The following TMEFF2 variants were observed in gnomAD, a reference collection of about 807,000 sequenced individuals.
TMEFF2 encodes the protein transmembrane protein with EGF like and two follistatin like domains 2.
TMEFF2 carries 28 observed loss-of-function variants against 53.8 expected under a neutral mutation model. That is an observed-to-expected ratio of 0.52 (90% confidence interval 0.39 to 0.71). TMEFF2 has a LOEUF of 0.71. Among genes scored for constraint, TMEFF2 ranks in the 30% least tolerant of loss-of-function variants. The pLI, the probability that TMEFF2 is intolerant of heterozygous loss-of-function variation, is 0.00. For missense variants in TMEFF2, 353 were observed against 455.2 expected (o/e 0.78, Z 2.04); for synonymous variants, 162 against 166.3 (o/e 0.97, Z 0.20).
intron 5 of TMEFF2, among the ~76,000 whole-genome samples, chr2:192,010,349 T>C (rs74671736): frequency 0.067 from 10,145 of 152,226 alleles, 439 homozygotes; most frequent in African/African-American, 0.12. Context: ...TGAAGGACTT[T>C]AAGTAGAAAT....
intron 4 of TMEFF2, among the ~76,000 whole-genome samples, chr2:192,103,646 G>A (rs1689083826): frequency 6.6e-6 from 1 of 151,830 alleles, no homozygotes; most frequent in South Asian, 2.1e-4. Context: ...CAACTCTTCA[G>A]GTAAAGAACC....
intron 4 of TMEFF2, among the ~76,000 whole-genome samples, chr2:192,158,380 A>T (rs1290918314): frequency 7.5e-6 from 1 of 133,940 alleles, no homozygotes; most frequent in African/African-American, 2.7e-5. Flanking sequence ...TTTTTAATAA[A>T]GCTAGACAGA....
intron 7 of TMEFF2, among the ~76,000 whole-genome samples, chr2:191,973,739 A>G (rs1245382748): frequency 6.6e-6 from 1 of 152,104 alleles, no homozygotes; most frequent in Non-Finnish European, 1.5e-5. Context: ...TAATCCCCAC[A>G]TGTCACAGGA....
At chr2:192,142,031 C>T (rs560939663) in intron 4 of TMEFF2, among the ~76,000 whole-genome samples, 1 of 151,838 alleles carries the variant, frequency 6.6e-6, no homozygotes, top group South Asian at 2.1e-4. Context: ...AAAGACTTTA[C>T]AGAAAAAATA....
At chr2:192,190,883 T>C (rs1479248366) in intron 2 of TMEFF2, among the ~76,000 whole-genome samples, 1 of 3,122 alleles carries the variant, frequency 3.2e-4, no homozygotes, top group Non-Finnish European at 0.042. Context: ...TTATTTGTTC[T>C]ATATCATTTT....
chr2:191,953,121 A>T (rs1363085542), intron 9 of TMEFF2, among the ~76,000 whole-genome samples: 1 of 152,210 alleles, frequency 6.6e-6, no homozygotes, highest in Non-Finnish European at 1.5e-5. Flanking sequence ...AGACATTGCT[A>T]ATTAATCATG....
At chr2:191,976,333 T>A (rs2105809909) in intron 7 of TMEFF2, among the ~76,000 whole-genome samples, 1 of 152,320 alleles carries the variant, frequency 6.6e-6, no homozygotes, top group Non-Finnish European at 1.5e-5. Flanking sequence ...AGCTGGCAAA[T>A]AATCAGCACT....
At chr2:192,112,878 C>T (rs1689317309) in intron 4 of TMEFF2, among the ~76,000 whole-genome samples, 3 of 152,148 alleles carry the variant, frequency 2.0e-5, no homozygotes, top group African/African-American at 4.8e-5. Context: ...CTCTCATTCT[C>T]TCCTGTCTGC....
At chr2:192,091,587 A>G (rs1688791167) in intron 4 of TMEFF2, among the ~76,000 whole-genome samples, 1 of 152,130 alleles carries the variant, frequency 6.6e-6, no homozygotes, top group Non-Finnish European at 1.5e-5. Context: ...AAGAGCAAAC[A>G]CTCAGAAAGT....
chr2:192,048,158 ATT>A lies in TMEFF2; in HGVS notation c.536+9519_536+9520del, dbSNP rs5837275. Among the ~76,000 whole-genome samples the A allele has an allele frequency of 8.1e-5, 12 of 148,248 alleles. 1 individual carries two copies. The South Asian group carries it at 1.9e-3, about 24-fold the overall frequency. On this transcript the variant is annotated intron_variant, in intron 5 of 9. Coordinates refer to ENST00000272771, the MANE Select transcript of TMEFF2 (RefSeq NM_016192.4). ...ATGTTAGGACAGTACGCTCAAACGA[ATT>A]TTTTTTTTTTAGAAGTGCTGAAAAT...
At chr2:192,132,527 A>T (rs1445146707) in intron 4 of TMEFF2, among the ~76,000 whole-genome samples, 3 of 152,146 alleles carry the variant, frequency 2.0e-5, no homozygotes, top group African/African-American at 7.2e-5. Context: ...CCACAACAGG[A>T]CTTAATTAAC....
chr2:191,999,685 C>T (rs918151550), intron 5 of TMEFF2, among the ~76,000 whole-genome samples: 11 of 151,996 alleles, frequency 7.2e-5, no homozygotes, highest in Middle Eastern at 3.4e-3. Context: ...AATCAGGAGT[C>T]GTATTTCTTT....
chr2:191,962,765 G>A (rs1294888958), intron 7 of TMEFF2, among the ~76,000 whole-genome samples: 1 of 152,144 alleles, frequency 6.6e-6, no homozygotes, highest in Non-Finnish European at 1.5e-5. Flanking sequence ...ATTATTAATT[G>A]CAAAATAAGT....
chr2:191,955,503 A>C (rs1204144336), intron 8 of TMEFF2, among the ~76,000 whole-genome samples: 2 of 121,276 alleles, frequency 1.6e-5, no homozygotes, highest in Admixed American at 9.8e-5. Flanking sequence ...GTTGCATGCC[A>C]CCGTGCCTGG....
intron 4 of TMEFF2, among the ~76,000 whole-genome samples, chr2:192,063,828 T>C (rs1380293337): frequency 2.6e-5 from 4 of 151,802 alleles, no homozygotes; most frequent in Admixed American, 1.3e-4. Flanking sequence ...CTGCTAGCAC[T>C]ATTCAGCTTG....
intron 5 of TMEFF2, among the ~76,000 whole-genome samples, chr2:192,051,902 ACATT>A (rs1422036683): frequency 1.3e-5 from 2 of 152,182 alleles, no homozygotes; most frequent in Admixed American, 6.5e-5. Flanking sequence ...AAAATAATAA[ACATT>A]CATTCATTCC....
intron 5 of TMEFF2, among the ~76,000 whole-genome samples, chr2:192,002,592 G>GA (rs1686393015): frequency 3.3e-5 from 5 of 152,178 alleles, no homozygotes; most frequent in African/African-American, 1.2e-4. Flanking sequence ...CACCCTGGGA[G>GA]GCCAAGGTGG....
chr2:191,978,468 A>G (rs1685781363), intron 7 of TMEFF2, among the ~76,000 whole-genome samples: 1 of 152,158 alleles, frequency 6.6e-6, no homozygotes, highest in South Asian at 2.1e-4. Context: ...TTAAAAAAAA[A>G]AAAGCAATTA....
At chr2:191,954,869 C>T (rs139562183) in intron 8 of TMEFF2, among the ~76,000 whole-genome samples, 16 of 152,222 alleles carry the variant, frequency 1.1e-4, no homozygotes, top group African/African-American at 3.9e-4. Flanking sequence ...GAAAATAGCT[C>T]ATAAGAAAAC....
Sources: gnomAD v4.1 joint callset for allele counts (sites outside exome capture counted in the v4.1 genomes callset) on GRCh38, gnomAD v4.1.1 for gene constraint, MANE v1.5 for transcripts, NCBI Gene and HGNC (gene_info 2026-07-23, HGNC 2026-07-21) for gene names.